Variants in CYFIP2 observed in about 807,000 individuals in gnomAD.
CYFIP2 encodes cytoplasmic FMR1 interacting protein 2.
CYFIP2 carries 29 observed loss-of-function variants against 158.7 expected under a neutral mutation model. The ratio of observed to expected loss-of-function variants is 0.18; its 90% CI spans 0.14 to 0.25. The LOEUF (loss-of-function observed/expected upper bound fraction) is 0.25, where lower values mean the gene tolerates loss of function less well. CYFIP2 is among the 10% of genes least tolerant of loss of function. CYFIP2 has a pLI of 1.00. For missense variants in CYFIP2, 852 were observed against 1,639.5 expected (o/e 0.52, Z 8.29); for synonymous variants, 585 against 617.6 (o/e 0.95, Z 0.78).
At position 157,339,267 on chromosome 5, in the gene CYFIP2, C is replaced by A. The variant is rs990907498; in HGVS notation, c.2585+11C>A. On this transcript the variant is annotated intron_variant, in intron 22 of 30. Coordinates refer to ENST00000620254, the MANE Select transcript of CYFIP2 (RefSeq NM_001037333.3). ...TGGGTCCACTAACCGGTAAGGGAGT[C>A]CCTGTGCAGAGGGGGCCGGGTGGGG... is the stretch of plus-strand genomic sequence containing the variant. 3.1e-6 allele frequency: 5 copies of A among 1,611,554 alleles called. No individual in the cohort carries two copies. Among genetic ancestry groups the A allele is most frequent in the Non-Finnish European group, 4.2e-6 (5 of 1,178,436 alleles).
chr5:157,304,443 A>G, intron 8 of CYFIP2, 77 bp downstream of exon 8: 1 of 1,495,624 alleles, frequency 6.7e-7, no homozygotes, highest in African/African-American at 1.4e-5. Context: ...ATCCGTTTTA[A>G]AAAACAATGT....
chr5:157,387,991 G>A (rs1177674645), intron 28 of CYFIP2, among the ~76,000 whole-genome samples: 1 of 152,128 alleles, frequency 6.6e-6, no homozygotes, highest in Non-Finnish European at 1.5e-5. Flanking sequence ...CTTCCTGGGG[G>A]CCTCCAGGGA....
chr5:157,305,519 T>A (rs1031714593), intron 8 of CYFIP2, among the ~76,000 whole-genome samples: 3 of 152,202 alleles, frequency 2.0e-5, no homozygotes, highest in African/African-American at 4.8e-5. Context: ...CTTTTAGCAT[T>A]TTCTTTTCCA....
chr5:157,352,797 T>C (rs530512570), intron 23 of CYFIP2, among the ~76,000 whole-genome samples: 1 of 152,280 alleles, frequency 6.6e-6, no homozygotes, highest in South Asian at 2.1e-4. Context: ...GACCTTGAGA[T>C]GGGAAGATAA....
intron 8 of CYFIP2, among the ~76,000 whole-genome samples, chr5:157,305,802 A>AG (rs528059442): frequency 9.7e-4 from 148 of 152,378 alleles, no homozygotes; most frequent in African/African-American, 3.5e-3. Context: ...TGCATGAGGC[A>AG]CTGCGCCTGG....
chr5:157,306,468 C>T (rs1025890848), intron 8 of CYFIP2, among the ~76,000 whole-genome samples: 8 of 152,210 alleles, frequency 5.3e-5, no homozygotes, highest in Non-Finnish European at 1.2e-4. Flanking sequence ...TCTCTGTTCC[C>T]CACCCTCTTC....
chr5:157,268,487 A>G (rs1032730464), intron 1 of CYFIP2, among the ~76,000 whole-genome samples: 1 of 152,194 alleles, frequency 6.6e-6, no homozygotes, highest in African/African-American at 2.4e-5. Flanking sequence ...GCTGTCATCA[A>G]CCAGAAAGCT....
chr5:157,316,456 A>G (rs1760156782), intron 13 of CYFIP2, among the ~76,000 whole-genome samples: 1 of 152,246 alleles, frequency 6.6e-6, no homozygotes, highest in South Asian at 2.1e-4. Flanking sequence ...TATGATGTAT[A>G]CCAAACCATG....
At chr5:157,319,680 TCCC>T in intron 13 of CYFIP2, 79 bp from the exon 14 acceptor site, 1 of 1,533,226 alleles carries the variant, frequency 6.5e-7, no homozygotes, top group Non-Finnish European at 8.8e-7. Context: ...ACTCCCCGCC[TCCC>T]CTGGCAGGGC....
At chr5:157,334,803 T>C (rs548923638) in intron 21 of CYFIP2, among the ~76,000 whole-genome samples, 13 of 152,158 alleles carry the variant, frequency 8.5e-5, no homozygotes, top group Non-Finnish European at 1.8e-4. Flanking sequence ...AAATGCAACA[T>C]GGAATCCTAG....
intron 24 of CYFIP2, 105 bp from the exon 25 acceptor site, chr5:157,360,177 C>T: frequency 1.1e-6 from 1 of 895,660 alleles, no homozygotes; most frequent in South Asian, 1.8e-5. Context: ...CTGTTCCCCG[C>T]CTTTAGGCAA....
chr5:157,304,265 C>G lies in CYFIP2; in HGVS notation c.694C>G (p.Pro232Ala), dbSNP rs2113899731. Residue 232 changes from proline (P) to alanine (A), a missense_variant, in exon 8 of 31, where the codon CCA becomes GCA. Physicochemically the swap from Pro to Ala is conservative, Grantham distance 27. Around this residue, in one of 8 missense-constraint regions of CYFIP2, gnomAD observed 123 missense variants for 316.7 expected, o/e 0.39. Transcript: ENST00000620254. The part of the protein sequence containing the change: ...QCLHQQLEVI[P>A]GYEELLADIV... ...TCTCCACCAGCAACTTGAAGTGATC[C>G]CAGGCTATGAGGAGCTGCTGGCTGA... 6.2e-7 allele frequency: 1 copy of G among 1,613,324 alleles called. No homozygotes were observed. The highest frequency in any genetic ancestry group is 8.5e-7 in the Non-Finnish European group (1 of 1,179,850).
intron 3 of CYFIP2, among the ~76,000 whole-genome samples, chr5:157,288,882 A>G (rs577716006): frequency 6.6e-6 from 1 of 152,318 alleles, no homozygotes; most frequent in East Asian, 1.9e-4. Context: ...TTTTTGAAGG[A>G]ACCTTGAGAG....
Position 157,300,675 on chromosome 5 carries a change from G to T in CYFIP2, c.388-40G>T, listed in dbSNP as rs557348861. ...GGAGCCTGGACCCTGCCCCCATAAGGGAGCACAGTGGACCTTACTCACTGC... is the reference window on the plus strand; with the variant it reads ...GGAGCCTGGACCCTGCCCCCATAAGTGAGCACAGTGGACCTTACTCACTGC... On this transcript the variant is annotated intron_variant, in intron 5 of 30. Transcript: ENST00000620254. The T allele has an allele frequency of 7.6e-6, 11 of 1,450,684 alleles. No individual in the cohort carries two copies. In the South Asian group the frequency reaches 1.5e-4, roughly 20 times the overall value. The allele number at this position is 1,450,684 out of a possible 1,614,324, so 89.9% of individuals were successfully genotyped here.
intron 23 of CYFIP2, among the ~76,000 whole-genome samples, chr5:157,350,674 A>G (rs1427473755): frequency 6.6e-6 from 1 of 152,142 alleles, no homozygotes; most frequent in African/African-American, 2.4e-5. Context: ...TGATGATGGT[A>G]CTTTGATGGT....
intron 23 of CYFIP2, among the ~76,000 whole-genome samples, chr5:157,348,003 C>A (rs10037232): frequency 5.7e-4 from 87 of 152,382 alleles, no homozygotes; most frequent in African/African-American, 1.9e-3. Context: ...ATCTGGGACA[C>A]CTGCCCCAGG....
intron 23 of CYFIP2, among the ~76,000 whole-genome samples, chr5:157,349,034 GCCTC>G (rs1441889363): frequency 6.6e-6 from 1 of 151,758 alleles, no homozygotes; most frequent in Non-Finnish European, 1.5e-5. Flanking sequence ...ACCCACCTTG[GCCTC>G]CCAAAGTACT....
chr5:157,334,244 G>C (rs1761696523), intron 21 of CYFIP2, among the ~76,000 whole-genome samples: 1 of 152,204 alleles, frequency 6.6e-6, no homozygotes, highest in South Asian at 2.1e-4. Context: ...ACATAGGGTA[G>C]GTTGCCAGGG....
Position 157,393,207 on chromosome 5 carries a change from GAA to G in CYFIP2, c.*223_*224del, listed in dbSNP as rs3052310. On this transcript the variant is annotated 3_prime_UTR_variant, in exon 31 of 31. Transcript: ENST00000620254. ...ATGCTGGTTTCTCCATAGCATAAAT[GAA>G]AAAAAAAAAAAAAAAGTAAACAGGG... 14,354 of 277,550 alleles carry G rather than the reference GAA, an allele frequency of 0.052. 20 individuals are homozygous for G. Among genetic ancestry groups the G allele is most frequent in the East Asian group, 0.092 (1,594 of 17,388 alleles). 17.2% of individuals were successfully genotyped at this position (277,550 alleles called of 1,614,324 possible).
Sources: gnomAD v4.1 joint callset for allele counts (sites outside exome capture counted in the v4.1 genomes callset) on GRCh38, gnomAD v4.1.1 for gene constraint, gnomAD v4.1.1 regional missense constraint, MANE v1.5 for transcripts, NCBI Gene and HGNC (gene_info 2026-07-23, HGNC 2026-07-21) for gene names.